The following SPARCL1 variants were observed in gnomAD, a reference collection of about 807,000 sequenced individuals.
SPARCL1 encodes SPARC like 1, also known as SPARC-like protein 1.
A neutral mutation model predicts 67.1 loss-of-function variants in SPARCL1; 52 were observed. The ratio of observed to expected loss-of-function variants is 0.78; its 90% confidence interval spans 0.62 to 0.98. The LOEUF (loss-of-function observed/expected upper bound fraction) is 0.98. Among genes scored for constraint, SPARCL1 ranks in the 50% least tolerant of loss-of-function variants. The pLI, the probability that SPARCL1 is intolerant of heterozygous loss-of-function variation, is 0.00. For missense variants in SPARCL1, 717 were observed against 782.4 expected, an observed-to-expected ratio of 0.92 and a Z score of 1.00; for synonymous variants, 226 against 267.8, an observed-to-expected ratio of 0.84 and a Z score of 1.52.
chr4:87,498,156 A>G (rs181319631), intron 2 of SPARCL1, among the ~76,000 whole-genome samples: 1 of 152,344 alleles, frequency 6.6e-6, no homozygotes, highest in East Asian at 1.9e-4. Context: ...AACTCCTTTC[A>G]GTGTTGAACA....
rs746595339 is a variant in SPARCL1 at position 87,482,474 on chromosome 4, C to A, written c.1618G>T (p.Glu540Ter). Residue 540 changes from glutamate (E) to a stop codon, truncating the protein, a stop_gained, in exon 8 of 11, where the codon GAA becomes TAA. Coordinates refer to ENST00000282470, the MANE Select transcript of SPARCL1 (RefSeq NM_004684.6). LOFTEE classifies it high-confidence loss of function. The part of the protein sequence containing the change: ...WLKNILMQLY[E>*]ANSEHAGYLN... ...TAACCAGCGTGTTCAGAGTTGGCTT[C>A]ATAAAGCTGCATGAGGATATTCTTG... 6.2e-7 allele frequency: 1 copy of A among 1,613,996 alleles called. No individual in the cohort carries two copies. Among genetic ancestry groups the A allele is most frequent in the South Asian group, 1.1e-5 (1 of 91,078 alleles).
intron 1 of SPARCL1, among the ~76,000 whole-genome samples, chr4:87,503,867 CAG>C (rs1043498468): frequency 9.3e-5 from 14 of 151,306 alleles, no homozygotes; most frequent in Admixed American, 1.3e-4. Flanking sequence ...TTAGTAGAGA[CAG>C]GGGTTTCGCC....
At chr4:87,483,422 T>C (rs879693645) in intron 7 of SPARCL1, among the ~76,000 whole-genome samples, 8 of 152,210 alleles carry the variant, frequency 5.3e-5, no homozygotes, top group Non-Finnish European at 8.8e-5. Context: ...GAACTTATCC[T>C]TTTTTATGGC....
At chr4:87,487,143 A>T (rs910361926) in intron 7 of SPARCL1, among the ~76,000 whole-genome samples, 1 of 151,740 alleles carries the variant, frequency 6.6e-6, no homozygotes, top group Non-Finnish European at 1.5e-5. Flanking sequence ...TTATGATGCT[A>T]GCTGGTTATT....
intron 1 of SPARCL1, among the ~76,000 whole-genome samples, chr4:87,510,296 A>G (rs887662074): frequency 6.6e-6 from 1 of 152,164 alleles, no homozygotes; most frequent in Non-Finnish European, 1.5e-5. Flanking sequence ...GAGAAACTGT[A>G]GGCATACAGG....
intron 2 of SPARCL1, chr4:87,497,254 G>A: frequency 1.0e-6 from 1 of 982,180 alleles, no homozygotes; most frequent in East Asian, 1.1e-4. Context: ...GATGGGTAAT[G>A]AATTTGAAAA....
Position 87,473,665 on chromosome 4 carries a change from A to G in SPARCL1, c.*110T>C. 2.7e-6 allele frequency: 2 copies of G among 728,628 alleles called. No homozygotes were observed. The highest frequency in any genetic ancestry group is 5.1e-5 in the Admixed American group (2 of 38,932). The allele number at this position is 728,628 out of a possible 1,614,324, so 45.1% of individuals were successfully genotyped here. On this transcript the variant is annotated 3_prime_UTR_variant, in exon 11 of 11. Transcript: ENST00000282470. The stretch of plus-strand genomic sequence containing the variant: ...AATTACTCTCATTGTCTTGTCATAC[A>G]TGCTAACATTTTGCTAAATATAAAT...
intron 10 of SPARCL1, 32 bp downstream of exon 10, chr4:87,479,398 C>A (rs1448522394): frequency 6.3e-7 from 1 of 1,599,808 alleles, no homozygotes; most frequent in Admixed American, 1.7e-5. Flanking sequence ...AGGAAGAAGA[C>A]ATCCCTCTTC....
intron 1 of SPARCL1, among the ~76,000 whole-genome samples, chr4:87,517,695 G>A (rs2110260816): frequency 6.6e-6 from 1 of 152,238 alleles, no homozygotes; most frequent in Middle Eastern, 3.4e-3. Context: ...GGATTCAGTG[G>A]AAATTGCCTC....
At chr4:87,491,981 G>T (rs1471804024) in intron 4 of SPARCL1, among the ~76,000 whole-genome samples, 1 of 139,300 alleles carries the variant, frequency 7.2e-6, no homozygotes, top group East Asian at 2.3e-4. Context: ...AGCTGGGCAT[G>T]ATGGTGCATG....
At chr4:87,526,645 C>T (rs554656245) in intron 1 of SPARCL1, among the ~76,000 whole-genome samples, 20 of 152,292 alleles carry the variant, frequency 1.3e-4, no homozygotes, top group Admixed American at 2.0e-4. Flanking sequence ...ACTCTGAAGC[C>T]CATGCTCTGT....
chr4:87,506,662 G>GA (rs1725085331), intron 1 of SPARCL1, among the ~76,000 whole-genome samples: 1 of 152,166 alleles, frequency 6.6e-6, no homozygotes, highest in Non-Finnish European at 1.5e-5. Flanking sequence ...CAGGTCTTCA[G>GA]ACTTGAACGG....
chr4:87,520,361 C>T (rs1399962440), intron 1 of SPARCL1, among the ~76,000 whole-genome samples: 2 of 150,826 alleles, frequency 1.3e-5, no homozygotes, highest in Admixed American at 1.3e-4. Flanking sequence ...TAAGAAAAGT[C>T]ATCTTGCCGG....
intron 1 of SPARCL1, among the ~76,000 whole-genome samples, chr4:87,507,893 A>C (rs1195152934): frequency 6.6e-6 from 1 of 152,208 alleles, no homozygotes; most frequent in Non-Finnish European, 1.5e-5. Flanking sequence ...TCAGGGAAAC[A>C]CCTACTTAGA....
At chr4:87,521,825 C>T (rs1725830455) in intron 1 of SPARCL1, among the ~76,000 whole-genome samples, 1 of 152,156 alleles carries the variant, frequency 6.6e-6, no homozygotes, top group African/African-American at 2.4e-5. Context: ...CAAATAAGGC[C>T]AGGTATCTTC....
chr4:87,493,645 C>G lies in SPARCL1; in HGVS notation c.1155G>C (p.Glu385Asp), dbSNP rs1724451953. ...QSIAYHLKIE[E>D]QREKVHENEN... ...CATTTTCATGTACTTTTTCTCTTTG[C>G]TCCTCAATTTTGAGGTGATAGGCAA... is the stretch of plus-strand genomic sequence containing the variant. Residue 385 changes from glutamate to aspartate, a missense_variant, in exon 4 of 11, where the codon GAG becomes GAC. Coordinates refer to ENST00000282470, the MANE Select transcript of SPARCL1 (RefSeq NM_004684.6). The G allele has an allele frequency of 1.2e-6, 2 of 1,613,910 alleles. No individual in the cohort carries two copies. Among genetic ancestry groups the G allele is most frequent in the South Asian group, 2.2e-5 (2 of 91,068 alleles).
chr4:87,503,217 C>T (rs867811700), intron 1 of SPARCL1, among the ~76,000 whole-genome samples: 6 of 152,204 alleles, frequency 3.9e-5, no homozygotes, highest in African/African-American at 1.2e-4. Context: ...AGGCTTTCAA[C>T]CAATACTCCA....
chr4:87,508,623 T>C (rs184265829), intron 1 of SPARCL1, among the ~76,000 whole-genome samples: 208 of 152,086 alleles, frequency 1.4e-3, no homozygotes, highest in African/African-American at 4.6e-3. Context: ...ATTAGAGTCC[T>C]GCCTTGGGGA....
chr4:87,507,640 A>C (rs1485827216), intron 1 of SPARCL1, among the ~76,000 whole-genome samples: 1 of 152,232 alleles, frequency 6.6e-6, no homozygotes, highest in African/African-American at 2.4e-5. Flanking sequence ...TGTCATCAAC[A>C]TGCAAGCAAT....
Sources: allele counts gnomAD v4.1 joint callset (sites outside exome capture counted in the v4.1 genomes callset), GRCh38; gene constraint gnomAD v4.1.1; transcripts MANE v1.5; gene names NCBI Gene and HGNC (gene_info 2026-07-23, HGNC 2026-07-21).